BANK1: variants seen among roughly 807,000 people sequenced by gnomAD.
BANK1 encodes B-cell scaffold protein with ankyrin repeats.
Under a neutral mutation model 94.5 loss-of-function variants are expected in BANK1, and 95 were observed. The observed-to-expected ratio is 1.00, with a 90% CI of 0.85 to 1.19. The LOEUF is 1.19. BANK1 is among the 50% of genes most tolerant of loss of function. BANK1 has a pLI of 0.00. For synonymous variants in BANK1, 334 were observed against 308.4 expected, an observed-to-expected ratio of 1.08 and a Z score of -0.87; for missense variants, 987 against 932.2, an observed-to-expected ratio of 1.06 and a Z score of -0.77.
chr4:101,924,241 T>C, intron 7 of BANK1, among the ~76,000 whole-genome samples: 1 of 151,826 alleles, frequency 6.6e-6, no homozygotes, highest in East Asian at 1.9e-4. Context: ...CTAAGCCCAG[T>C]GTGTGAGACT....
At chr4:101,902,130 C>T (rs1722309516) in intron 6 of BANK1, among the ~76,000 whole-genome samples, 1 of 152,128 alleles carries the variant, frequency 6.6e-6, no homozygotes, top group South Asian at 2.1e-4. Flanking sequence ...ATCTTGGAAG[C>T]TGAAAATGTG....
rs573932771 is a variant in BANK1, at chr4:101,886,893, G to C, written c.904-8412G>C. 1.3e-4 allele frequency among the ~76,000 whole-genome samples: 20 copies of C among 152,230 alleles called. No individual in the cohort carries two copies. In the South Asian group the frequency reaches 3.9e-3, roughly 30 times the overall value. ...TTCATGGATTTTGCATGATTGATGG[G>C]GATGCTAGTCGTTCCCCAGTATTTT... On this transcript the variant is annotated intron_variant, in intron 5 of 16. Coordinates refer to ENST00000322953, the MANE Select transcript of BANK1 (RefSeq NM_017935.5).
At chr4:102,063,354 CAT>C (rs1728487389) in intron 13 of BANK1, among the ~76,000 whole-genome samples, 1 of 151,700 alleles carries the variant, frequency 6.6e-6, no homozygotes, top group Non-Finnish European at 1.5e-5. Context: ...TGTAAGTTAA[CAT>C]ATAAAATACT....
chr4:101,893,768 C>A (rs561726168), intron 5 of BANK1, among the ~76,000 whole-genome samples: 1 of 151,924 alleles, frequency 6.6e-6, no homozygotes, highest in Non-Finnish European at 1.5e-5. Context: ...ATGCTAAAAC[C>A]TAAATAAGTT....
intron 2 of BANK1, among the ~76,000 whole-genome samples, chr4:101,842,539 A>C (rs933439729): frequency 9.2e-5 from 14 of 152,220 alleles, no homozygotes; most frequent in Non-Finnish European, 1.9e-4. Context: ...AAATACTTCT[A>C]GCATCCCCAT....
intron 2 of BANK1, among the ~76,000 whole-genome samples, chr4:101,833,202 C>T (rs914487224): frequency 2.0e-5 from 3 of 152,150 alleles, no homozygotes; most frequent in Non-Finnish European, 4.4e-5. Context: ...TGGTCTTGAA[C>T]TCCCGACCTC....
At chr4:102,046,980 G>C (rs931970214) in intron 11 of BANK1, among the ~76,000 whole-genome samples, 1 of 152,078 alleles carries the variant, frequency 6.6e-6, no homozygotes, top group Non-Finnish European at 1.5e-5. Context: ...CCTTGAAAAT[G>C]GTGCCGGTAA....
intron 6 of BANK1, among the ~76,000 whole-genome samples, chr4:101,896,081 T>C (rs1347712959): frequency 6.6e-6 from 1 of 151,986 alleles, no homozygotes; most frequent in Non-Finnish European, 1.5e-5. Context: ...TCTACAACTG[T>C]GTATTATATA....
chr4:101,972,024 GACA>G (rs1267307519), intron 7 of BANK1, among the ~76,000 whole-genome samples: 3 of 152,006 alleles, frequency 2.0e-5, no homozygotes, highest in Admixed American at 2.0e-4. Flanking sequence ...TATGAAAAAT[GACA>G]ATAATTTTGA....
At chr4:101,843,486 T>C (rs1197985595) in intron 2 of BANK1, among the ~76,000 whole-genome samples, 1 of 152,210 alleles carries the variant, frequency 6.6e-6, no homozygotes, top group Admixed American at 6.5e-5. Context: ...TTTTTTCCTT[T>C]ATTATTATAT....
chr4:101,918,340 G>T (rs1722898537), intron 7 of BANK1, 151 bp downstream of exon 7: 2 of 446,620 alleles, frequency 4.5e-6, no homozygotes, highest in African/African-American at 4.0e-5. Flanking sequence ...ATAATCGTTA[G>T]GTTGCAGAAA....
chr4:101,839,936 A>ATTTATTTATTT (rs1305309687), intron 2 of BANK1, among the ~76,000 whole-genome samples: 17 of 78,944 alleles, frequency 2.2e-4, no homozygotes, highest in Admixed American at 7.4e-4. Context: ...TCAAATATTT[A>ATTTATTTATTT]ATTTTTTTTT....
chr4:101,987,428 A>T (rs1235576297), intron 7 of BANK1, among the ~76,000 whole-genome samples: 1 of 152,120 alleles, frequency 6.6e-6, no homozygotes, highest in Non-Finnish European at 1.5e-5. Flanking sequence ...CAGAACCAGG[A>T]TTCAAACCCA....
intron 5 of BANK1, among the ~76,000 whole-genome samples, chr4:101,873,705 CA>C (rs1490972623): frequency 6.6e-6 from 1 of 152,070 alleles, no homozygotes; most frequent in Non-Finnish European, 1.5e-5. Flanking sequence ...AATCCCAGAA[CA>C]TAGCCTCATA....
rs116008701 is a variant in BANK1 at position 101,986,330 on chromosome 4, C to T, written c.1207-35184C>T. Among the ~76,000 whole-genome samples the T allele has an allele frequency of 6.9e-3, 1,043 of 152,042 alleles. 15 individuals carry two copies. The highest frequency in any genetic ancestry group is 0.024 in the African/African-American group (985 of 41,514). The stretch of plus-strand genomic sequence containing the variant: ...TTCTTAATTACATTCCTGCTAACTC[C>T]CTAGATACCAAATGGCTCAAGCAAA... On this transcript the variant is annotated intron_variant, in intron 7 of 16. Transcript: ENST00000322953.
intron 6 of BANK1, among the ~76,000 whole-genome samples, chr4:101,906,545 AG>A (rs1300488306): frequency 6.6e-6 from 1 of 152,198 alleles, no homozygotes; most frequent in Non-Finnish European, 1.5e-5. Context: ...GGGGTGCAGA[AG>A]GGTAGGGATG....
In BANK1 at chr4:102,000,871, C is replaced by T. The variant is rs114500522; in HGVS notation, c.1207-20643C>T. Among the ~76,000 whole-genome samples, 953 of 152,192 alleles carry T rather than the reference C, an allele frequency of 6.3e-3. 5 individuals carry two copies. The highest frequency in any genetic ancestry group is 0.041 in the Middle Eastern group (12 of 294). On this transcript the variant is annotated intron_variant, in intron 7 of 16. Coordinates refer to ENST00000322953, the MANE Select transcript of BANK1 (RefSeq NM_017935.5). ...AGGATCCAACACATAATAGAGCATC[C>T]CCTGATGGTGTTGCTTATAAGTGAC...
At chr4:101,877,045 T>C (rs758654355) in intron 5 of BANK1, among the ~76,000 whole-genome samples, 2 of 151,424 alleles carry the variant, frequency 1.3e-5, no homozygotes, top group African/African-American at 2.4e-5. Flanking sequence ...GGCACACTTA[T>C]GGGATCTGGA....
At chr4:101,898,592 T>C (rs1722170159) in intron 6 of BANK1, among the ~76,000 whole-genome samples, 1 of 152,098 alleles carries the variant, frequency 6.6e-6, no homozygotes, top group Non-Finnish European at 1.5e-5. Flanking sequence ...TACATTAAGA[T>C]TGACCTACCG....
Sources: allele counts gnomAD v4.1 joint callset (sites outside exome capture counted in the v4.1 genomes callset), GRCh38; gene constraint gnomAD v4.1.1; transcripts MANE v1.5; gene names NCBI Gene and HGNC (gene_info 2026-07-23, HGNC 2026-07-21).